Variants in UBASH3B observed in about 807,000 individuals in gnomAD.
UBASH3B encodes the protein ubiquitin associated and SH3 domain containing B, also known as ubiquitin-associated and SH3 domain-containing protein B.
Under a neutral mutation model 83.4 loss-of-function variants are expected in UBASH3B, and 37 were observed. The ratio of observed to expected loss-of-function variants is 0.44; its 90% CI spans 0.34 to 0.58. The LOEUF is 0.58. UBASH3B is among the 20% of genes least tolerant of loss of function. UBASH3B has a pLI of 0.01. For missense variants in UBASH3B, 657 were observed against 827.2 expected, an observed-to-expected ratio of 0.79 and a Z score of 2.52; for synonymous variants, 304 against 318.3, an observed-to-expected ratio of 0.96 and a Z score of 0.48.
chr11:122,781,102 C>A (rs571953622), intron 4 of UBASH3B, among the ~76,000 whole-genome samples: 1 of 152,180 alleles, frequency 6.6e-6, no homozygotes, highest in East Asian at 1.9e-4. Context: ...ACAGTGCTCT[C>A]GGAAGGAACA....
chr11:122,747,143 A>C (rs1861131682), intron 1 of UBASH3B, among the ~76,000 whole-genome samples: 1 of 151,852 alleles, frequency 6.6e-6, no homozygotes, highest in South Asian at 2.1e-4. Context: ...GATATGGGGA[A>C]CCTCTGCAGG....
chr11:122,657,024 C>T (rs1044647962), intron 1 of UBASH3B, among the ~76,000 whole-genome samples: 2 of 152,172 alleles, frequency 1.3e-5, no homozygotes, highest in African/African-American at 4.8e-5. Flanking sequence ...CGTCTCAGGC[C>T]GGTCGGCTCA....
At chr11:122,674,769 C>G (rs1591763486) in intron 1 of UBASH3B, among the ~76,000 whole-genome samples, 1 of 137,160 alleles carries the variant, frequency 7.3e-6, no homozygotes, top group East Asian at 2.2e-4. Flanking sequence ...CGCTCTGAGG[C>G]CCAGGCTGGA....
rs4935813 is a variant in UBASH3B, at chr11:122,779,464, C to T, written c.403-33C>T. The T allele has an allele frequency of 4.4e-5, 71 of 1,612,160 alleles. No homozygotes were observed. In the African/African-American group the frequency reaches 8.9e-4, roughly 20 times the overall value. On this transcript the variant is annotated intron_variant, in intron 3 of 13. Coordinates refer to ENST00000284273, the MANE Select transcript of UBASH3B (RefSeq NM_032873.5). ...GCAGCAGACTTCCATCTCCCCTTGT[C>T]TCTGAGTGAAGACTGCCTGTTTTCC...
chr11:122,655,853 C>A lies in UBASH3B; in HGVS notation c.-197C>A, dbSNP rs1863350620. 3.6e-6 allele frequency: 2 copies of A among 563,278 alleles called. No individual in the cohort carries two copies. The highest frequency in any genetic ancestry group is 4.0e-5 in the African/African-American group (2 of 50,398). 34.9% of individuals were successfully genotyped at this position (563,278 alleles called of 1,614,324 possible). On this transcript the variant is annotated 5_prime_UTR_variant, in exon 1 of 14. Coordinates refer to ENST00000284273, the MANE Select transcript of UBASH3B (RefSeq NM_032873.5). ...TGGTCCCGCAGCGGCCGCTTGCCGG[C>A]GTTCTGGCTCCTGTGGCCTCACCAG...
intron 1 of UBASH3B, among the ~76,000 whole-genome samples, chr11:122,745,434 A>C (rs1228437090): frequency 6.6e-6 from 1 of 152,214 alleles, no homozygotes; most frequent in Non-Finnish European, 1.5e-5. Context: ...AGTGTACAGC[A>C]CTGGGGAGCA....
At chr11:122,726,540 G>A (rs1241194291) in intron 1 of UBASH3B, among the ~76,000 whole-genome samples, 2 of 151,966 alleles carry the variant, frequency 1.3e-5, no homozygotes, top group Admixed American at 6.6e-5. Flanking sequence ...AGTAGAGACG[G>A]GGTTTCACAT....
chr11:122,810,509 G>A lies in UBASH3B; in HGVS notation c.*623G>A, dbSNP rs1861426170. Reference sequence around the variant, plus strand: ...CCCTGGTACTGCCACATTTTCTCTAGAGCAGCTGGCCCTTCTTGCTACAGC... The same window carrying A: ...CCCTGGTACTGCCACATTTTCTCTAAAGCAGCTGGCCCTTCTTGCTACAGC... On this transcript the variant is annotated 3_prime_UTR_variant, in exon 14 of 14. Coordinates refer to ENST00000284273, the MANE Select transcript of UBASH3B (RefSeq NM_032873.5). 6.6e-6 allele frequency: 1 copy of A among 152,376 alleles called. No homozygotes were observed. Among genetic ancestry groups the A allele is most frequent in the East Asian group, 1.9e-4 (1 of 5,194 alleles). The allele number at this position is 152,376 out of a possible 1,614,324, so 9.4% of individuals were successfully genotyped here.
chr11:122,780,669 C>T (rs944485037), intron 4 of UBASH3B, among the ~76,000 whole-genome samples: 3 of 152,208 alleles, frequency 2.0e-5, no homozygotes, highest in African/African-American at 7.2e-5. Flanking sequence ...AGGAAGGAAA[C>T]TTGCCCTGGG....
At chr11:122,789,909 C>A (rs1250321554) in intron 6 of UBASH3B, among the ~76,000 whole-genome samples, 1 of 152,192 alleles carries the variant, frequency 6.6e-6, no homozygotes, top group Non-Finnish European at 1.5e-5. Context: ...TAACTTTCCA[C>A]CCGTCCCTCA....
chr11:122,664,818 AAGGTAAATGTC>A (rs1431359198), intron 1 of UBASH3B, among the ~76,000 whole-genome samples: 2 of 152,218 alleles, frequency 1.3e-5, no homozygotes, highest in African/African-American at 4.8e-5. Flanking sequence ...TCCGGAGGAA[AAGGTAAATGTC>A]AGGTTTTTCC....
chr11:122,669,583 G>A (rs1863563532), intron 1 of UBASH3B, among the ~76,000 whole-genome samples: 2 of 152,124 alleles, frequency 1.3e-5, no homozygotes, highest in South Asian at 4.2e-4. Flanking sequence ...GTAAGCGCTT[G>A]GTCTGCCTTT....
chr11:122,774,406 G>T, intron 1 of UBASH3B: 2 of 726,722 alleles, frequency 2.8e-6, no homozygotes, highest in Non-Finnish European at 3.4e-6. Context: ...AACAACAGAG[G>T]CTGGCCTTTG....
intron 6 of UBASH3B, among the ~76,000 whole-genome samples, chr11:122,792,444 G>A (rs1001290844): frequency 7.9e-5 from 12 of 151,324 alleles, no homozygotes; most frequent in South Asian, 2.1e-4. Context: ...TCAGCCCCCC[G>A]AGTAGCCAGG....
chr11:122,807,958 TC>T (rs1334500004), intron 12 of UBASH3B, 108 bp from the exon 13 acceptor site: 1 of 819,936 alleles, frequency 1.2e-6, no homozygotes, highest in Non-Finnish European at 2.1e-6. Context: ...CAAATTGTCT[TC>T]TTGAGTGTGT....
chr11:122,676,497 C>T lies in UBASH3B; in HGVS notation c.161+20287C>T, dbSNP rs148185698. On this transcript the variant is annotated intron_variant, in intron 1 of 13. Coordinates refer to ENST00000284273, the MANE Select transcript of UBASH3B (RefSeq NM_032873.5). ...CAGAGGTTGCAGTGAGCCGAGATTG[C>T]GCCAGTGCACTCCAACCTGGGCAAC... Among the ~76,000 whole-genome samples the T allele has an allele frequency of 1.8e-3, 281 of 152,006 alleles. 1 individual carries two copies. The highest frequency in any genetic ancestry group is 6.3e-3 in the African/African-American group (261 of 41,450).
At chr11:122,743,301 C>T (rs913891459) in intron 1 of UBASH3B, among the ~76,000 whole-genome samples, 7 of 152,130 alleles carry the variant, frequency 4.6e-5, no homozygotes, top group African/African-American at 1.7e-4. Flanking sequence ...CTGCAACCTC[C>T]AACTCCAGGG....
At position 122,679,396 on chromosome 11, in the gene UBASH3B, C is replaced by A. The variant is rs553276200; in HGVS notation, c.161+23186C>A. 3.9e-5 allele frequency among the ~76,000 whole-genome samples: 6 copies of A among 152,310 alleles called. No homozygotes were observed. The South Asian group carries it at 1.2e-3, about 32-fold the overall frequency. On this transcript the variant is annotated intron_variant, in intron 1 of 13. Coordinates refer to ENST00000284273, the MANE Select transcript of UBASH3B (RefSeq NM_032873.5). Reference sequence around the variant, plus strand: ...GATGGTGAGCAAGTTCACGATGTAACCAGATTTGTCTGAGAGAGCATAGCC... The same window carrying A: ...GATGGTGAGCAAGTTCACGATGTAAACAGATTTGTCTGAGAGAGCATAGCC...
intron 1 of UBASH3B, among the ~76,000 whole-genome samples, chr11:122,756,802 A>T (rs1326656842): frequency 6.6e-6 from 1 of 152,168 alleles, no homozygotes; most frequent in Non-Finnish European, 1.5e-5. Flanking sequence ...GCAAATTAAC[A>T]CTGGACCAAA....
Sources: allele counts gnomAD v4.1 joint callset (sites outside exome capture counted in the v4.1 genomes callset), GRCh38; gene constraint gnomAD v4.1.1; transcripts MANE v1.5; gene names NCBI Gene and HGNC (gene_info 2026-07-23, HGNC 2026-07-21).